The following ENTPD5 variants were observed in gnomAD, a reference collection of about 807,000 sequenced individuals.
ENTPD5 encodes ectonucleoside triphosphate diphosphohydrolase 5 (inactive), also known as nucleoside diphosphate phosphatase ENTPD5.
A neutral mutation model predicts 60.2 loss-of-function variants in ENTPD5; 49 were observed. The observed-to-expected ratio is 0.81, with a 90% CI of 0.65 to 1.03. The LOEUF (loss-of-function observed/expected upper bound fraction) is 1.03. Ranked by LOEUF, ENTPD5 falls within the 50% of genes least tolerant of loss-of-function variation. The probability of loss-of-function intolerance (pLI) is 0.00; values close to 1 mark genes in which losing one functional copy is unlikely to be tolerated. For missense variants in ENTPD5, 480 were observed against 507.6 expected (o/e 0.95, Z 0.52); for synonymous variants, 187 against 185.4 (o/e 1.01, Z -0.07).
chr14:73,980,490 C>T (rs1420995957), intron 6 of ENTPD5, among the ~76,000 whole-genome samples: 2 of 152,136 alleles, frequency 1.3e-5, no homozygotes, highest in African/African-American at 4.8e-5. Flanking sequence ...TCTCAAACTC[C>T]TGACCTCAGG....
At position 73,973,014 on chromosome 14, in the gene ENTPD5, G is replaced by A. The variant is rs1328304965; in HGVS notation, c.897C>T (p.Gly299=). The A allele has an allele frequency of 6.2e-7, 1 of 1,614,130 alleles. No individual in the cohort carries two copies. Among genetic ancestry groups the A allele is most frequent in the South Asian group, 1.1e-5 (1 of 91,080 alleles). The change falls in exon 13 of 16, where the codon GGC becomes GGT. Residue 299 remains glycine (G), a synonymous_variant. Transcript: ENST00000334696. ...QYGGNQEGEV[G]FEPCYAEVLR... is the part of the protein sequence containing the mutation. ...GCACTTCGGCATAGCAGGGCTCAAA[G>A]CCCACCTCCCCTGCCAGGCAAAGGT...
chr14:73,971,611 C>T (rs1391602698), intron 14 of ENTPD5, among the ~76,000 whole-genome samples: 1 of 152,140 alleles, frequency 6.6e-6, no homozygotes, highest in Non-Finnish European at 1.5e-5. Flanking sequence ...GCACTATAAC[C>T]TTGAATTTCT....
At chr14:73,961,328 G>T, downstream of ENTPD5, 1 of 1,614,200 alleles carries the variant, frequency 6.2e-7, no homozygotes, top group Non-Finnish European at 8.5e-7. Flanking sequence ...TTCCTCTTGG[G>T]TTGGGACATG....
downstream of ENTPD5, chr14:73,958,081 T>C (rs751004314): frequency 1.2e-5 from 16 of 1,328,060 alleles, no homozygotes; most frequent in Non-Finnish European, 1.6e-5. Context: ...GGTTTAGTTA[T>C]GGCTTTTTCC....
chr14:73,955,751 T>G, downstream of ENTPD5: 1 of 1,613,526 alleles, frequency 6.2e-7, no homozygotes, highest in Middle Eastern at 1.7e-4. Context: ...TGTTTCTGAT[T>G]GGAGTGATGT....
At chr14:73,976,606 T>C (rs2057456613) in intron 8 of ENTPD5, among the ~76,000 whole-genome samples, 194 bp from the exon 9 acceptor site, 1 of 152,060 alleles carries the variant, frequency 6.6e-6, no homozygotes, top group African/African-American at 2.4e-5. Context: ...TTTTTTTTTT[T>C]TTTGGAAGGC....
intron 3 of ENTPD5, 107 bp from the exon 4 acceptor site, chr14:73,988,279 T>C (rs998266460): frequency 1.2e-5 from 13 of 1,076,610 alleles, no homozygotes; most frequent in Non-Finnish European, 1.7e-5. Context: ...CCTATTCTAA[T>C]AACCTGTACA....
Position 74,011,155 on chromosome 14 carries a change from G to GT in ENTPD5, c.-130-6dup, listed in dbSNP as rs2058834668. 1 of 866,504 alleles carries GT rather than the reference G, an allele frequency of 1.2e-6. No homozygotes were observed. Among genetic ancestry groups the GT allele is most frequent in the African/African-American group, 1.8e-5 (1 of 54,774 alleles). The allele number at this position is 866,504 out of a possible 1,614,324, so 53.7% of individuals were successfully genotyped here. On this transcript the variant is annotated splice_region_variant and splice_polypyrimidine_tract_variant and intron_variant, in intron 2 of 15. Transcript: ENST00000334696. ...TTATTATATCACTTTTTCAACCTGT[G>GT]TAAGATGGACATGAATAATTATAAG...
chr14:74,012,643 T>C (rs1221778573), intron 2 of ENTPD5, among the ~76,000 whole-genome samples: 3 of 152,274 alleles, frequency 2.0e-5, no homozygotes, highest in South Asian at 2.1e-4. Flanking sequence ...CCGGTGGGGA[T>C]TGCAGTAAAC....
At chr14:73,999,637 C>T (rs1157830953) in intron 3 of ENTPD5, among the ~76,000 whole-genome samples, 5 of 150,070 alleles carry the variant, frequency 3.3e-5, no homozygotes, top group African/African-American at 1.2e-4. Flanking sequence ...ACTAAATATA[C>T]AAAAATTAGC....
At chr14:74,004,031 G>A (rs559610656) in intron 3 of ENTPD5, among the ~76,000 whole-genome samples, 32 of 152,224 alleles carry the variant, frequency 2.1e-4, no homozygotes, top group Non-Finnish European at 4.3e-4. Flanking sequence ...CTTAAGCCCA[G>A]GAGTTCGAAG....
At chr14:74,012,299 G>A in intron 2 of ENTPD5, among the ~76,000 whole-genome samples, 1 of 148,248 alleles carries the variant, frequency 6.7e-6, no homozygotes, top group Non-Finnish European at 1.5e-5. Context: ...AGAGGGGGGG[G>A]TTTCATTATG....
intron 3 of ENTPD5, among the ~76,000 whole-genome samples, chr14:74,003,648 A>G (rs2058577312): frequency 6.6e-6 from 1 of 152,208 alleles, no homozygotes; most frequent in Non-Finnish European, 1.5e-5. Context: ...CACCTTGCTC[A>G]TAACCAAAAC....
chr14:73,977,256 C>T, intron 7 of ENTPD5, 43 bp downstream of exon 7: 7 of 1,495,050 alleles, frequency 4.7e-6, no homozygotes, highest in Non-Finnish European at 6.5e-6. Context: ...TTTCACTGAT[C>T]CTGCCCCTCT....
intron 6 of ENTPD5, among the ~76,000 whole-genome samples, chr14:73,979,930 CT>C (rs1356550229): frequency 6.7e-6 from 1 of 149,632 alleles, no homozygotes; most frequent in African/African-American, 2.5e-5. Flanking sequence ...ATACAGAGTC[CT>C]TTTTTGCCAT....
At chr14:73,961,560 G>A, downstream of ENTPD5, 3 of 1,614,176 alleles carry the variant, frequency 1.9e-6, no homozygotes, top group South Asian at 3.3e-5. Flanking sequence ...CCTTCAATGG[G>A]AAGGACTTAG....
downstream of ENTPD5, chr14:73,961,170 C>G (rs1344377969): frequency 1.2e-6 from 2 of 1,613,070 alleles, no homozygotes; most frequent in Non-Finnish European, 1.7e-6. Flanking sequence ...TGATGCTGCT[C>G]AGTGGAGTGA....
intron 15 of ENTPD5, among the ~76,000 whole-genome samples, chr14:73,968,243 T>C (rs1332119160): frequency 6.6e-6 from 1 of 152,166 alleles, no homozygotes; most frequent in East Asian, 1.9e-4. Flanking sequence ...TCCTCAACTA[T>C]ATAAGAAGAG....
At chr14:73,956,106 C>T (rs1006499838), downstream of ENTPD5, 83 of 726,506 alleles carry the variant, frequency 1.1e-4, no homozygotes, top group East Asian at 3.4e-4. Flanking sequence ...GGGCGGATCA[C>T]GAGGTCAGGA....
Sources: allele counts gnomAD v4.1 joint callset (sites outside exome capture counted in the v4.1 genomes callset), GRCh38; gene constraint gnomAD v4.1.1; transcripts MANE v1.5; gene names NCBI Gene and HGNC (gene_info 2026-07-23, HGNC 2026-07-21).